The following CLDN10 variants were observed in gnomAD, a reference collection of about 807,000 sequenced individuals.
The protein encoded by CLDN10 is claudin-10.
In CLDN10, 15 loss-of-function variants were observed where a neutral mutation model predicts 22.9. The ratio of observed to expected loss-of-function variants is 0.65; its 90% CI spans 0.44 to 1.01. The LOEUF is 1.01. Ranked by LOEUF, CLDN10 falls within the 50% of genes least tolerant of loss-of-function variation. The probability of loss-of-function intolerance (pLI) is 0.00; values close to 1 mark genes in which losing one functional copy is unlikely to be tolerated. For synonymous variants in CLDN10, 114 were observed against 111.4 expected (o/e 1.02, Z -0.15); for missense variants, 247 against 287.8 (o/e 0.86, Z 1.03).
intron 1 of CLDN10, among the ~76,000 whole-genome samples, chr13:95,541,285 C>T (rs1425944555): frequency 6.6e-6 from 1 of 152,200 alleles, no homozygotes. Context: ...TTCTTTGCTT[C>T]TAATTAAGAG....
intron 1 of CLDN10, among the ~76,000 whole-genome samples, chr13:95,441,394 G>C (rs572824127): frequency 1.3e-5 from 2 of 152,084 alleles, no homozygotes; most frequent in African/African-American, 4.8e-5. Context: ...ACAGGTGCAT[G>C]CCAACCATCC....
chr13:95,563,517 T>C (rs1014225788), intron 3 of CLDN10, among the ~76,000 whole-genome samples: 2 of 152,176 alleles, frequency 1.3e-5, no homozygotes, highest in Admixed American at 1.3e-4. Flanking sequence ...TCAAGGTCTA[T>C]AGAAAATATA....
exon 1 of CLDN10, chr13:95,433,895 C>A: frequency 6.2e-7 from 1 of 1,614,208 alleles, no homozygotes; most frequent in Non-Finnish European, 8.5e-7. Context: ...GCTCTCGTTG[C>A]TGCTACCACG....
intron 1 of CLDN10, among the ~76,000 whole-genome samples, chr13:95,445,264 T>C (rs1476263721): frequency 6.6e-6 from 1 of 152,198 alleles, no homozygotes; most frequent in Non-Finnish European, 1.5e-5. Context: ...ACACCTAAGA[T>C]GTGCACAGAG....
intron 1 of CLDN10, chr13:95,497,001 G>C (rs867239416): frequency 6.6e-6 from 1 of 152,074 alleles, no homozygotes; most frequent in African/African-American, 2.4e-5. Flanking sequence ...ACTTGGGTAA[G>C]TTTCTCAATC....
At chr13:95,490,049 G>A (rs1430651235) in intron 1 of CLDN10, among the ~76,000 whole-genome samples, 1 of 152,040 alleles carries the variant, frequency 6.6e-6, no homozygotes, top group Non-Finnish European at 1.5e-5. Context: ...TTTATTTCTG[G>A]GTTCTCTATT....
At chr13:95,486,850 TCA>T (rs780967857) in intron 1 of CLDN10, among the ~76,000 whole-genome samples, 1 of 152,196 alleles carries the variant, frequency 6.6e-6, no homozygotes, top group Non-Finnish European at 1.5e-5. Context: ...CTTTACCGCC[TCA>T]GTGTTCAACA....
chr13:95,473,913 A>C (rs906764657), intron 1 of CLDN10, among the ~76,000 whole-genome samples: 1 of 152,250 alleles, frequency 6.6e-6, no homozygotes, highest in African/African-American at 2.4e-5. Flanking sequence ...AATAAAAAAT[A>C]AAGTATTAGA....
intron 1 of CLDN10, among the ~76,000 whole-genome samples, chr13:95,554,069 C>T (rs897680469): frequency 1.3e-5 from 2 of 152,092 alleles, no homozygotes; most frequent in Non-Finnish European, 2.9e-5. Flanking sequence ...GGGTTTGCCA[C>T]GAAGAGCAAA....
intron 1 of CLDN10, among the ~76,000 whole-genome samples, chr13:95,507,685 G>A (rs116516381): frequency 0.013 from 1,910 of 151,784 alleles, 39 homozygotes; most frequent in African/African-American, 0.043. Context: ...GTGCAATGGT[G>A]CAATCTTGGT....
At chr13:95,537,510 GT>G (rs1039658490) in intron 1 of CLDN10, among the ~76,000 whole-genome samples, 17 of 152,266 alleles carry the variant, frequency 1.1e-4, no homozygotes, top group Admixed American at 1.1e-3. Context: ...GTAGAATTGG[GT>G]GTCATAAATA....
At chr13:95,526,219 G>A (rs2043279508) in intron 1 of CLDN10, among the ~76,000 whole-genome samples, 1 of 151,970 alleles carries the variant, frequency 6.6e-6, no homozygotes, top group Admixed American at 6.6e-5. Flanking sequence ...ATAATTGTTA[G>A]ATTTTTTTTC....
chr13:95,532,897 G>A (rs577746558), intron 1 of CLDN10, among the ~76,000 whole-genome samples: 3 of 151,128 alleles, frequency 2.0e-5, no homozygotes, highest in East Asian at 1.9e-4. Flanking sequence ...AAGAGTACAT[G>A]CTGTTTGATT....
intron 1 of CLDN10, among the ~76,000 whole-genome samples, chr13:95,434,561 ATG>A (rs1294224141): frequency 6.7e-6 from 1 of 149,584 alleles, no homozygotes; most frequent in Non-Finnish European, 1.5e-5. Context: ...ATATGCACAC[ATG>A]TGTGTATATA....
chr13:95,577,618 C>G (rs756612601), intron 4 of CLDN10, among the ~76,000 whole-genome samples: 1 of 152,182 alleles, frequency 6.6e-6, no homozygotes, highest in African/African-American at 2.4e-5. Flanking sequence ...ATGGCCTCTA[C>G]TAAGTCTCCT....
intron 1 of CLDN10, among the ~76,000 whole-genome samples, chr13:95,471,440 C>CATATAT (rs1555289814): frequency 2.9e-5 from 3 of 104,380 alleles, no homozygotes; most frequent in African/African-American, 7.9e-5. Context: ...CACACACACA[C>CATATAT]ATATATATAT....
At position 95,577,213 on chromosome 13, in the gene CLDN10, T is replaced by G; in HGVS notation, c.465-18T>G. The G allele has an allele frequency of 6.5e-7, 1 of 1,538,062 alleles. No individual in the cohort carries two copies. Among genetic ancestry groups the G allele is most frequent in the Non-Finnish European group, 9.0e-7 (1 of 1,111,134 alleles). On this transcript the variant is annotated intron_variant, in intron 3 of 4. Transcript: ENST00000299339. ...CCAAATAAGTGAGCTGTAATACTTGTGTAATGCTTTCTCACAGGTATGAAT... is the reference window on the plus strand; with the variant it reads ...CCAAATAAGTGAGCTGTAATACTTGGGTAATGCTTTCTCACAGGTATGAAT...
chr13:95,444,534 G>C (rs1482189294), intron 1 of CLDN10, among the ~76,000 whole-genome samples: 1 of 152,168 alleles, frequency 6.6e-6, no homozygotes, highest in Non-Finnish European at 1.5e-5. Flanking sequence ...AATTAGCCCA[G>C]AATGCTAAAT....
chr13:95,467,475 T>C (rs760143556), intron 1 of CLDN10, among the ~76,000 whole-genome samples: 1 of 152,106 alleles, frequency 6.6e-6, no homozygotes, highest in African/African-American at 2.4e-5. Flanking sequence ...TTGGTGAATA[T>C]GCCTTTTAAA....
Sources: allele counts gnomAD v4.1 joint callset (sites outside exome capture counted in the v4.1 genomes callset), GRCh38; gene constraint gnomAD v4.1.1; transcripts MANE v1.5; gene names NCBI Gene and HGNC (gene_info 2026-07-23, HGNC 2026-07-21).